MACROD2: variants seen among roughly 807,000 people sequenced by gnomAD.
MACROD2 encodes the protein ADP-ribose glycohydrolase MACROD2.
A neutral mutation model predicts 70.4 loss-of-function variants in MACROD2; 36 were observed. The ratio of observed to expected loss-of-function variants is 0.51; its 90% confidence interval spans 0.39 to 0.68. The LOEUF is 0.68. Ranked by LOEUF, MACROD2 falls within the 30% of genes least tolerant of loss-of-function variation. The pLI, the probability that MACROD2 is intolerant of heterozygous loss-of-function variation, is 0.00. For missense variants in MACROD2, 496 were observed against 538.4 expected (o/e 0.92, Z 0.78); for synonymous variants, 172 against 178.8 (o/e 0.96, Z 0.30).
At chr20:14,612,665 A>G (rs146244035) in intron 4 of MACROD2, among the ~76,000 whole-genome samples, 5 of 152,240 alleles carry the variant, frequency 3.3e-5, no homozygotes, top group African/African-American at 1.2e-4. Flanking sequence ...GAATTTAGGT[A>G]CATTTTAATA....
chr20:15,137,475 C>T (rs965051729), intron 5 of MACROD2, among the ~76,000 whole-genome samples: 15 of 145,366 alleles, frequency 1.0e-4, no homozygotes, highest in African/African-American at 2.3e-4. Context: ...AACCAAACAC[C>T]GCATGTTCTC....
At chr20:15,815,221 C>T (rs1240344833) in intron 8 of MACROD2, among the ~76,000 whole-genome samples, 3 of 152,258 alleles carry the variant, frequency 2.0e-5, no homozygotes, top group Admixed American at 2.0e-4. Context: ...ATTTTTATCA[C>T]TCAAAGTGCA....
chr20:14,958,057 A>C (rs1168930447), intron 5 of MACROD2, among the ~76,000 whole-genome samples: 2 of 152,144 alleles, frequency 1.3e-5, no homozygotes, highest in African/African-American at 4.8e-5. Context: ...CCTCAAACTG[A>C]ATTCCACAAA....
chr20:15,909,770 G>T (rs983332527), intron 10 of MACROD2, among the ~76,000 whole-genome samples: 14 of 152,108 alleles, frequency 9.2e-5, no homozygotes, highest in Non-Finnish European at 1.9e-4. Flanking sequence ...TGATCCGCCC[G>T]CCTCAGCCTC....
chr20:14,681,889 G>A (rs912469127), intron 4 of MACROD2, among the ~76,000 whole-genome samples: 2 of 152,144 alleles, frequency 1.3e-5, no homozygotes, highest in South Asian at 2.1e-4. Flanking sequence ...TTTGAATCAC[G>A]TCGTGAGTAC....
intron 7 of MACROD2, among the ~76,000 whole-genome samples, chr20:15,445,849 G>A (rs892853986): frequency 2.0e-5 from 3 of 152,092 alleles, no homozygotes; most frequent in Non-Finnish European, 4.4e-5. Context: ...TCAGAACCAA[G>A]ACCAATGTGT....
At chr20:14,580,401 G>A (rs1391849151) in intron 4 of MACROD2, among the ~76,000 whole-genome samples, 3 of 151,146 alleles carry the variant, frequency 2.0e-5, no homozygotes, top group African/African-American at 7.3e-5. Context: ...TTTTTCAATT[G>A]GTCTGAATAA....
chr20:14,691,231 A>G (rs984253257), intron 5 of MACROD2, among the ~76,000 whole-genome samples: 2 of 152,180 alleles, frequency 1.3e-5, no homozygotes, highest in Non-Finnish European at 1.5e-5. Flanking sequence ...TTCCCTTTTT[A>G]TAAAGTAAGA....
In MACROD2 at chr20:15,150,699, T is replaced by G. The variant is rs955830003; in HGVS notation, c.419-79241T>G. Among the ~76,000 whole-genome samples, 3 of 151,734 alleles carry G rather than the reference T, an allele frequency of 2.0e-5. 1 individual carries two copies. Among genetic ancestry groups the G allele is most frequent in the African/African-American group, 7.3e-5 (3 of 41,152 alleles). ...AAGGTGGGGGGATACAAGAGGAGGA[T>G]GCAAAGGAGGCTTTGGATTGGGAAG... On this transcript the variant is annotated intron_variant, in intron 5 of 17. Coordinates refer to ENST00000684519, the MANE Select transcript of MACROD2 (RefSeq NM_001351661.2).
intron 7 of MACROD2, among the ~76,000 whole-genome samples, chr20:15,452,036 C>T (rs181723741): frequency 3.3e-4 from 51 of 152,240 alleles, no homozygotes; most frequent in African/African-American, 1.2e-3. Context: ...CAGGCTGTAA[C>T]GGAGTGTCTG....
intron 3 of MACROD2, among the ~76,000 whole-genome samples, chr20:14,207,053 A>G (rs2081529851): frequency 6.6e-6 from 1 of 152,170 alleles, no homozygotes; most frequent in Admixed American, 6.5e-5. Flanking sequence ...ATGGTGATAC[A>G]CACTAAAGTA....
At chr20:14,273,627 C>T (rs1215610719) in intron 3 of MACROD2, among the ~76,000 whole-genome samples, 1 of 147,198 alleles carries the variant, frequency 6.8e-6, no homozygotes, top group African/African-American at 2.5e-5. Context: ...TAGCAGAAGG[C>T]AAGAAATAAC....
intron 3 of MACROD2, among the ~76,000 whole-genome samples, chr20:14,299,982 G>A (rs1343558156): frequency 6.6e-6 from 1 of 152,092 alleles, no homozygotes; most frequent in Non-Finnish European, 1.5e-5. Flanking sequence ...GTCACATGCA[G>A]GTGCAATGTG....
chr20:16,023,972 A>G (rs1190510273), intron 15 of MACROD2, among the ~76,000 whole-genome samples: 3 of 152,198 alleles, frequency 2.0e-5, no homozygotes, highest in Admixed American at 6.5e-5. Flanking sequence ...GAGGAGGGAT[A>G]CCATCAGAGT....
chr20:14,689,587 A>G (rs2071039377), intron 5 of MACROD2, among the ~76,000 whole-genome samples: 2 of 152,162 alleles, frequency 1.3e-5, no homozygotes, highest in African/African-American at 4.8e-5. Context: ...AATTGCTCAC[A>G]ATGGTGTGTC....
At chr20:14,006,763 C>A (rs771601913) in intron 2 of MACROD2, among the ~76,000 whole-genome samples, 22 of 152,042 alleles carry the variant, frequency 1.4e-4, no homozygotes, top group Non-Finnish European at 2.9e-4. Context: ...ATACACTAGG[C>A]TGTCCTGCAG....
At chr20:14,558,772 A>G (rs951125655) in intron 4 of MACROD2, among the ~76,000 whole-genome samples, 2 of 151,782 alleles carry the variant, frequency 1.3e-5, no homozygotes, top group Admixed American at 6.6e-5. Flanking sequence ...GCATAAACTA[A>G]AAGATTTATG....
At position 16,035,363 on chromosome 20, in the gene MACROD2, A is replaced by G. The variant is rs910775244; in HGVS notation, c.1154-5838A>G. Among the ~76,000 whole-genome samples, 7 of 151,578 alleles carry G rather than the reference A, an allele frequency of 4.6e-5. No homozygotes were observed. In the South Asian group the frequency reaches 6.2e-4, roughly 14 times the overall value. ...TGTAGAACTCCCAGTTAATCCAGCA[A>G]TCCCACTACTGAGTATCTACCCAGA... On this transcript the variant is annotated intron_variant, in intron 15 of 17. Transcript: ENST00000684519.
intron 8 of MACROD2, among the ~76,000 whole-genome samples, chr20:15,550,937 A>G (rs1222369603): frequency 6.6e-6 from 1 of 152,224 alleles, no homozygotes; most frequent in Non-Finnish European, 1.5e-5. Flanking sequence ...TCAATACTGA[A>G]GTGAAAATTT....
Sources: allele counts gnomAD v4.1 joint callset (sites outside exome capture counted in the v4.1 genomes callset), GRCh38; gene constraint gnomAD v4.1.1; transcripts MANE v1.5; gene names NCBI Gene and HGNC (gene_info 2026-07-23, HGNC 2026-07-21).